RPP40: variants seen among roughly 807,000 people sequenced by gnomAD.
RPP40 encodes the protein ribonuclease P protein subunit p40.
Under a neutral mutation model 42.5 loss-of-function variants are expected in RPP40, and 30 were observed. That is an observed-to-expected ratio of 0.71 (90% CI 0.53 to 0.96). The LOEUF (loss-of-function observed/expected upper bound fraction) is 0.96, where lower values mean the gene tolerates loss of function less well. Ranked by LOEUF, RPP40 falls within the 40% of genes least tolerant of loss-of-function variation. RPP40 has a pLI of 0.00. For synonymous variants in RPP40, 173 were observed against 164.0 expected, an observed-to-expected ratio of 1.05 and a Z score of -0.42; for missense variants, 426 against 433.5, an observed-to-expected ratio of 0.98 and a Z score of 0.15.
At position 4,995,176 on chromosome 6, in the gene RPP40, G is replaced by A. The variant is rs771055748; in HGVS notation, c.994C>T (p.Arg332Ter). The A allele has an allele frequency of 2.5e-6, 4 of 1,613,868 alleles. No homozygotes were observed. Among genetic ancestry groups the A allele is most frequent in the East Asian group, 2.2e-5 (1 of 44,884 alleles). The change falls in exon 8 of 8, where the codon CGA (arginine) becomes TGA (stop). Residue 332 changes from arginine to a stop codon, truncating the protein, a stop_gained. Coordinates refer to ENST00000380051, the MANE Select transcript of RPP40 (RefSeq NM_006638.4). LOFTEE classifies it high-confidence loss of function. The part of the protein sequence containing the change: ...VSWEKNEHGF[R>*]KGGEHLYNFV... The stretch of plus-strand genomic sequence containing the variant: ...TTATATAAATGTTCTCCTCCTTTTC[G>A]AAAACCATGTTCATTTTTTTCCCAA...
rs1366391072 is a variant in RPP40, at chr6:4,995,208, G to A, written c.962C>T (p.Pro321Leu). Residue 321 changes from proline (P) to leucine (L), a missense_variant, in exon 8 of 8, where the codon CCT becomes CTT. Transcript: ENST00000380051. Reference protein sequence around the residue: ...TLSVQGFADSPVSWEKNEHGF... With the variant: ...TLSVQGFADSLVSWEKNEHGF... ...ATGTTCATTTTTTTCCCAAGAAACA[G>A]GGCTGTCTGCAAAGCCTTGAACGGA... 1 of 1,614,074 alleles carries A rather than the reference G, an allele frequency of 6.2e-7. No homozygotes were observed. The highest frequency in any genetic ancestry group is 8.5e-7 in the Non-Finnish European group (1 of 1,179,990).
intron 1 of RPP40, among the ~76,000 whole-genome samples, chr6:5,002,731 C>A (rs1266556528): frequency 6.6e-6 from 1 of 152,214 alleles, no homozygotes; most frequent in Non-Finnish European, 1.5e-5. Context: ...TGTATGTTTT[C>A]ATTTTCGAGA....
At chr6:4,998,349 A>C (rs1414999851) in intron 5 of RPP40, among the ~76,000 whole-genome samples, 1 of 152,254 alleles carries the variant, frequency 6.6e-6, no homozygotes, top group African/African-American at 2.4e-5. Context: ...CTGTGATAAT[A>C]AATAAGCAGA....
Position 4,999,808 on chromosome 6 carries a change from C to A in RPP40, c.433+1G>T. 6.5e-7 allele frequency: 1 copy of A among 1,534,644 alleles called. No individual in the cohort carries two copies. Among genetic ancestry groups the A allele is most frequent in the Non-Finnish European group, 9.0e-7 (1 of 1,108,814 alleles). On this transcript the variant is annotated splice_donor_variant, in intron 4 of 7. Transcript: ENST00000380051. LOFTEE classifies it high-confidence loss of function. Reference sequence around the variant, plus strand: ...ACAGATGGAACACACATGATACTTACTAAATTTCATAATTTTTCTGCCAGA... The same window carrying A: ...ACAGATGGAACACACATGATACTTAATAAATTTCATAATTTTTCTGCCAGA...
intron 2 of RPP40, 41 bp downstream of exon 2, chr6:5,002,060 C>T (rs765587480): frequency 6.3e-7 from 1 of 1,583,546 alleles, no homozygotes; most frequent in South Asian, 1.1e-5. Context: ...CCTACCCTTC[C>T]TCATCCAGCC....
At chr6:4,993,186 C>CT (rs1169546403), downstream of RPP40, among the ~76,000 whole-genome samples, 20 of 152,200 alleles carry the variant, frequency 1.3e-4, no homozygotes, top group Non-Finnish European at 2.2e-4. Context: ...AAAGGACATC[C>CT]TTTAACTTTT....
Position 5,002,132 on chromosome 6 carries a change from T to C in RPP40, c.237A>G (p.Thr79=). 6.2e-7 allele frequency: 1 copy of C among 1,611,932 alleles called. No individual in the cohort carries two copies. Among genetic ancestry groups the C allele is most frequent in the Non-Finnish European group, 8.5e-7 (1 of 1,178,138 alleles). The change falls in exon 2 of 8, where the codon ACA becomes ACG. Residue 79 remains threonine (T), a synonymous_variant. Coordinates refer to ENST00000380051, the MANE Select transcript of RPP40 (RefSeq NM_006638.4). ...VKNLPLHELI[T]PEFISTFIKK... ...TTATAAAGGTACTGATGAATTCAGG[T>C]GTAATTAATTCATGAAGAGGTAAAT...
intron 1 of RPP40, among the ~76,000 whole-genome samples, chr6:5,003,424 A>AG (rs1343812757): frequency 6.6e-6 from 1 of 151,592 alleles, no homozygotes; most frequent in Non-Finnish European, 1.5e-5. Flanking sequence ...TGAGATCCAC[A>AG]GGTACGCAGG....
At position 4,996,341 on chromosome 6, in the gene RPP40, C is replaced by T. The variant is rs775710811; in HGVS notation, c.639G>A (p.Thr213=). 11 of 1,613,990 alleles carry T rather than the reference C, an allele frequency of 6.8e-6. No homozygotes were observed. The highest frequency in any genetic ancestry group is 2.2e-5 in the South Asian group (2 of 91,084). The change falls in exon 6 of 8, where the codon ACG becomes ACA. Residue 213 remains threonine, a synonymous_variant. Coordinates refer to ENST00000380051, the MANE Select transcript of RPP40 (RefSeq NM_006638.4). The part of the protein sequence containing the change: ...QEHQPKVALS[T]LRDLQCPVLQ... Reference sequence around the variant, plus strand: ...GCACTGGGCACTGGAGATCTCTCAACGTGCTCAGTGCTACTTTTGGCTGAT... The same window carrying T: ...GCACTGGGCACTGGAGATCTCTCAATGTGCTCAGTGCTACTTTTGGCTGAT...
At chr6:5,003,278 C>T (rs972100129) in intron 1 of RPP40, among the ~76,000 whole-genome samples, 9 of 138,204 alleles carry the variant, frequency 6.5e-5, no homozygotes, top group Non-Finnish European at 1.2e-4. Flanking sequence ...ACCCGGGAGG[C>T]GGAGCCTGCA....
chr6:5,002,114 G>C lies in RPP40; in HGVS notation c.255C>G (p.Thr85=), dbSNP rs748877955. 6 of 1,612,552 alleles carry C rather than the reference G, an allele frequency of 3.7e-6. No individual in the cohort carries two copies. Among genetic ancestry groups the C allele is most frequent in the Admixed American group, 1.7e-5 (1 of 59,808 alleles). The change falls in exon 2 of 8, where the codon ACC becomes ACG. Residue 85 remains threonine, a synonymous_variant. Coordinates refer to ENST00000380051, the MANE Select transcript of RPP40 (RefSeq NM_006638.4). The stretch of plus-strand genomic sequence containing the variant: ...GGTTTTTCTTACCTTTCTTTATAAA[G>C]GTACTGATGAATTCAGGTGTAATTA... The part of the protein sequence containing the change: ...HELITPEFIS[T]FIKKGSCYAL...
chr6:5,001,976 C>T, intron 2 of RPP40, 125 bp downstream of exon 2: 2 of 781,326 alleles, frequency 2.6e-6, no homozygotes, highest in Non-Finnish European at 4.1e-6. Flanking sequence ...AACGCGTGTG[C>T]ACCTGACCAC....
chr6:4,994,008 A>C (rs938609026), downstream of RPP40, among the ~76,000 whole-genome samples: 3 of 151,996 alleles, frequency 2.0e-5, no homozygotes, highest in African/African-American at 7.3e-5. Flanking sequence ...AGATGCACTA[A>C]GGCGGAAAAG....
rs1273105219 is a variant in RPP40, at chr6:4,998,753, T to A, written c.522A>T (p.Pro174=). 2 of 1,562,780 alleles carry A rather than the reference T, an allele frequency of 1.3e-6. No homozygotes were observed. The change falls in exon 5 of 8, where the codon CCA becomes CCT. Residue 174 remains proline (P), a synonymous_variant. Coordinates refer to ENST00000380051, the MANE Select transcript of RPP40 (RefSeq NM_006638.4). ...AAGCCAAAAGAAAATCAAATTTCAA[T>A]GGCTTCTTTTCTTTGAAAGACCAAG... ...RISWSFKEKK[P]LKFDFLLAWH...
rs761586501 is a variant in RPP40 at position 5,000,562 on chromosome 6, C to G, written c.337+1G>C. The G allele has an allele frequency of 2.1e-6, 3 of 1,455,476 alleles. No individual in the cohort carries two copies. Among genetic ancestry groups the G allele is most frequent in the Non-Finnish European group, 2.9e-6 (3 of 1,045,034 alleles). 90.2% of individuals were successfully genotyped at this position (1,455,476 alleles called of 1,614,324 possible). The stretch of plus-strand genomic sequence containing the variant: ...AGAAAGATGAAAAAATAAAGTGTTA[C>G]CATTTGGTAGCAGGGCAACAGTATT... On this transcript the variant is annotated splice_donor_variant, in intron 3 of 7. Transcript: ENST00000380051. LOFTEE classifies it high-confidence loss of function.
rs528588529 is a variant in RPP40, at chr6:5,001,229, T to C, written c.269-598A>G. ...CAGTTTCCTCACTGTTAAATGAGGA[T>C]CATAGGCTTGCTTCATAAAGTTGTT... On this transcript the variant is annotated intron_variant, in intron 2 of 7. Coordinates refer to ENST00000380051, the MANE Select transcript of RPP40 (RefSeq NM_006638.4). 21 of 437,806 alleles carry C rather than the reference T, an allele frequency of 4.8e-5. No homozygotes were observed. The Middle Eastern group carries it at 2.4e-3, about 49-fold the overall frequency. The allele number at this position is 437,806 out of a possible 1,614,324, so 27.1% of individuals were successfully genotyped here.
chr6:4,992,205 C>T (rs375283117), downstream of RPP40, among the ~76,000 whole-genome samples: 8 of 149,382 alleles, frequency 5.4e-5, no homozygotes, highest in South Asian at 6.4e-4. Context: ...AACAAAAAAA[C>T]GAAACAAAAA....
intron 7 of RPP40, among the ~76,000 whole-genome samples, chr6:4,995,540 C>T (rs980960793): frequency 1.3e-5 from 2 of 152,084 alleles, no homozygotes; most frequent in African/African-American, 4.8e-5. Context: ...CAAAAAGAAC[C>T]CAAAACAAAA....
chr6:5,003,690 A>C, intron 1 of RPP40, 190 bp downstream of exon 1: 1 of 620,852 alleles, frequency 1.6e-6, no homozygotes, highest in African/African-American at 1.9e-5. Context: ...TGGGAGTTGT[A>C]GTCCTGTAGC....
Sources: allele counts gnomAD v4.1 joint callset (sites outside exome capture counted in the v4.1 genomes callset), GRCh38; gene constraint gnomAD v4.1.1; transcripts MANE v1.5; gene names NCBI Gene and HGNC (gene_info 2026-07-23, HGNC 2026-07-21).